Variants in PIK3CD observed in about 807,000 individuals in gnomAD.
PIK3CD encodes the protein phosphatidylinositol 4,5-bisphosphate 3-kinase catalytic subunit delta isoform.
PIK3CD carries 20 observed loss-of-function variants against 122.9 expected under a neutral mutation model. The ratio of observed to expected loss-of-function variants is 0.16; its 90% CI spans 0.11 to 0.24. The LOEUF (loss-of-function observed/expected upper bound fraction) is 0.24, where lower values mean the gene tolerates loss of function less well. PIK3CD is among the 10% of genes least tolerant of loss of function. The probability of loss-of-function intolerance (pLI) is 1.00; values close to 1 mark genes in which losing one functional copy is unlikely to be tolerated. For missense variants in PIK3CD, 787 were observed against 1,406.3 expected, an observed-to-expected ratio of 0.56 and a Z score of 7.04; for synonymous variants, 596 against 593.4, an observed-to-expected ratio of 1.00 and a Z score of -0.06.
the PIK3CD span, among the ~76,000 whole-genome samples, chr1:9,641,088 A>G: frequency 6.6e-6 from 1 of 151,924 alleles, no homozygotes; most frequent in Non-Finnish European, 1.5e-5. Flanking sequence ...ACTGTATCTT[A>G]TTTTTATTCT....
At chr1:9,694,972 AAG>A (rs113822530) in intron 2 of PIK3CD, among the ~76,000 whole-genome samples, 44 of 150,748 alleles carry the variant, frequency 2.9e-4, no homozygotes, top group African/African-American at 8.0e-4. Context: ...AAAAACAAAA[AAG>A]AGAGAGAGAG....
chr1:9,715,466 C>G lies in PIK3CD; in HGVS notation c.142-75C>G. 1 of 1,359,600 alleles carries G rather than the reference C, an allele frequency of 7.4e-7. No individual in the cohort carries two copies. Among genetic ancestry groups the G allele is most frequent in the Non-Finnish European group, 1.0e-6 (1 of 962,836 alleles). The allele number at this position is 1,359,600 out of a possible 1,614,324, so 84.2% of individuals were successfully genotyped here. A position where few individuals can be genotyped will look rare whatever the true frequency, so the allele number is the denominator to read the frequency against. On this transcript the variant is annotated intron_variant, in intron 3 of 23. Transcript: ENST00000377346. This position sits in a 1 kb window ranked among gnomAD's most constrained non-coding sequence, Gnocchi z 4.1. ...TGGACCCCCAGGCTGGAGGCCAGCTCTCCACCCTCCCTCAGCCTCCCACCT... is the reference window on the plus strand; with the variant it reads ...TGGACCCCCAGGCTGGAGGCCAGCTGTCCACCCTCCCTCAGCCTCCCACCT...
intron 3 of PIK3CD, among the ~76,000 whole-genome samples, chr1:9,713,691 A>G (rs1230155806): frequency 6.6e-6 from 1 of 152,052 alleles, no homozygotes; most frequent in African/African-American, 2.4e-5. Flanking sequence ...CCTGGGCCCA[A>G]GCGATCTTCC....
Position 9,721,586 on chromosome 1 carries a change from C to G in PIK3CD, c.1954C>G (p.Arg652Gly), listed in dbSNP as rs765392990. 6.2e-7 allele frequency: 1 copy of G among 1,612,840 alleles called. No individual in the cohort carries two copies. Among genetic ancestry groups the G allele is most frequent in the African/African-American group, 1.3e-5 (1 of 74,924 alleles). Residue 652 changes from arginine to glycine, a missense_variant and splice_region_variant, in exon 15 of 24, where the codon CGC becomes GGC. Arg to Gly is a moderately radical substitution (Grantham distance 125). Coordinates refer to ENST00000377346, the MANE Select transcript of PIK3CD (RefSeq NM_005026.5). ...KIGHFLFWHL[R>G]SEMHVPSVAL... ...CGGCCACTTCCTTTTCTGGCACCTC[C>G]GGTAGCGGGACTTGCCCCAGCCGTT...
chr1:9,717,719 C>A lies in PIK3CD; in HGVS notation c.1020+93C>A. On this transcript the variant is annotated intron_variant, in intron 8 of 23. Transcript: ENST00000377346. The surrounding 1 kb of genome is among the most constrained non-coding windows in gnomAD (Gnocchi z 5.4). ...GGGGTAGCAGAGGAAGGAGGGGGAT[C>A]ACATGAAAGCCACCTGACCACATTA... The A allele has an allele frequency of 8.9e-7, 1 of 1,129,684 alleles. No individual in the cohort carries two copies. The highest frequency in any genetic ancestry group is 1.3e-6 in the Non-Finnish European group (1 of 758,552). The allele number at this position is 1,129,684 out of a possible 1,614,324, so 70.0% of individuals were successfully genotyped here.
At chr1:9,653,593 C>G (rs1644746068) in intron 1 of PIK3CD, 4 of 380,112 alleles carry the variant, frequency 1.1e-5, no homozygotes, top group South Asian at 6.0e-5. Context: ...TGAGACTCCT[C>G]TGTAACACCC....
In PIK3CD at chr1:9,653,908, C is replaced by G. The variant is rs778070591; in HGVS notation, c.-138+2106C>G. On this transcript the variant is annotated intron_variant, in intron 1 of 23. Transcript: ENST00000377346. ...CACTGGAGTGGGCTGGAGGAGTGCT[C>G]TTAAAACCCAGTTGTGGCTGAGAGC... 77 of 1,366,990 alleles carry G rather than the reference C, an allele frequency of 5.6e-5. No individual in the cohort carries two copies. In the South Asian group the frequency reaches 8.0e-4, roughly 14 times the overall value. The allele number at this position is 1,366,990 out of a possible 1,614,324, so 84.7% of individuals were successfully genotyped here. A position where few individuals can be genotyped will look rare whatever the true frequency, so the allele number is the denominator to read the frequency against.
At chr1:9,636,928 C>T in the PIK3CD span, among the ~76,000 whole-genome samples, 3 of 150,784 alleles carry the variant, frequency 2.0e-5, no homozygotes, top group Non-Finnish European at 4.4e-5. Flanking sequence ...GACGGAGTCT[C>T]TCTCTGTCAC....
Position 9,715,567 on chromosome 1 carries a change from G to A in PIK3CD, c.168G>A (p.Glu56=). 6.2e-7 allele frequency: 1 copy of A among 1,613,668 alleles called. No individual in the cohort carries two copies. The highest frequency in any genetic ancestry group is 1.1e-5 in the South Asian group (1 of 91,090). ...TGCTGTGGCACCGCGCCCAGTATGAGCCGCTCTTCCACATGCTCAGTGGCC... is the reference window on the plus strand; with the variant it reads ...TGCTGTGGCACCGCGCCCAGTATGAACCGCTCTTCCACATGCTCAGTGGCC... The part of the protein sequence containing the change: ...KQLLWHRAQY[E]PLFHMLSGPE... The change falls in exon 4 of 24, where the codon GAG becomes GAA. Residue 56 remains glutamate (E), a synonymous_variant. Transcript: ENST00000377346. The surrounding 1 kb of genome is among the most constrained non-coding windows in gnomAD (Gnocchi z 4.1).
At chr1:9,648,102 G>A (rs953285289), upstream of PIK3CD, among the ~76,000 whole-genome samples, 32 of 152,192 alleles carry the variant, frequency 2.1e-4, no homozygotes, top group African/African-American at 7.2e-4. Flanking sequence ...ATGGCCTCCT[G>A]CAAATTTTAT....
rs192352334 is a variant in PIK3CD, at chr1:9,657,450, G to C, written c.-138+5648G>C. Among the ~76,000 whole-genome samples the C allele has an allele frequency of 5.4e-4, 82 of 152,160 alleles. No individual in the cohort carries two copies. The East Asian group carries it at 0.013, about 25-fold the overall frequency. On this transcript the variant is annotated intron_variant, in intron 1 of 23. Coordinates refer to ENST00000377346, the MANE Select transcript of PIK3CD (RefSeq NM_005026.5). ...CCGCCCTGTTCTGCCACTTTCCCCT[G>C]GGTGACTTTAGGCAAAGATGTCAGA...
intron 1 of PIK3CD, chr1:9,654,302 TC>T: frequency 7.3e-7 from 1 of 1,367,724 alleles, no homozygotes; most frequent in African/African-American, 1.5e-5. Flanking sequence ...GCAGCCTCAG[TC>T]CACGCCGCCA....
chr1:9,700,713 C>T lies in PIK3CD; in HGVS notation c.-33+9142C>T, dbSNP rs572034544. 2.6e-5 allele frequency among the ~76,000 whole-genome samples: 4 copies of T among 152,242 alleles called. No individual in the cohort carries two copies. Among genetic ancestry groups the T allele is most frequent in the African/African-American group, 7.2e-5 (3 of 41,552 alleles). On this transcript the variant is annotated intron_variant, in intron 2 of 23. Transcript: ENST00000377346. This position sits in a 1 kb window ranked among gnomAD's most constrained non-coding sequence, Gnocchi z 5.1. ...TCCCACCTGGGGAGTTTGCCCCTGG[C>T]GGTCTTTACGTGGCTATTCATTAAG... is the stretch of plus-strand genomic sequence containing the variant.
chr1:9,663,563 TA>T (rs2100862664), intron 1 of PIK3CD, among the ~76,000 whole-genome samples: 1 of 149,928 alleles, frequency 6.7e-6, no homozygotes, highest in East Asian at 2.0e-4. Flanking sequence ...TTATTTACTT[TA>T]TTTTTTTATT....
In PIK3CD at chr1:9,719,008, C is replaced by A; in HGVS notation, c.1242+93C>A. 1 of 1,216,992 alleles carries A rather than the reference C, an allele frequency of 8.2e-7. No individual in the cohort carries two copies. Among genetic ancestry groups the A allele is most frequent in the Non-Finnish European group, 1.2e-6 (1 of 848,754 alleles). 75.4% of individuals were successfully genotyped at this position (1,216,992 alleles called of 1,614,324 possible). ...CTCACCACTCTCCTCCCGGCAAGCA[C>A]GCAGCCTGGGGATGGGGGTCCTGGG... On this transcript the variant is annotated intron_variant, in intron 9 of 23. Transcript: ENST00000377346. The surrounding 1 kb of genome is among the most constrained non-coding windows in gnomAD (Gnocchi z 5.5).
chr1:9,711,492 C>G (rs1362762776), intron 3 of PIK3CD, among the ~76,000 whole-genome samples: 2 of 152,190 alleles, frequency 1.3e-5, no homozygotes, highest in South Asian at 4.1e-4. Flanking sequence ...ATGTTTCCCT[C>G]TACTCAGTTA....
chr1:9,641,908 GC>G, the PIK3CD span, among the ~76,000 whole-genome samples: 1 of 151,962 alleles, frequency 6.6e-6, no homozygotes, highest in Non-Finnish European at 1.5e-5. Context: ...CCCTTTCTTT[GC>G]CATCAACTTC....
chr1:9,663,369 G>A (rs143313660), intron 1 of PIK3CD, among the ~76,000 whole-genome samples: 4 of 152,192 alleles, frequency 2.6e-5, no homozygotes, highest in Admixed American at 2.0e-4. Context: ...GAGAGGGTGC[G>A]GAGGAACATG....
At chr1:9,642,591 C>T in the PIK3CD span, among the ~76,000 whole-genome samples, 1 of 150,116 alleles carries the variant, frequency 6.7e-6, no homozygotes, top group Non-Finnish European at 1.5e-5. Flanking sequence ...GTGGCGGGTG[C>T]CTGTAGTCCC....
Sources: gnomAD v4.1 joint callset for allele counts (sites outside exome capture counted in the v4.1 genomes callset) on GRCh38, gnomAD v4.1.1 for gene constraint, Gnocchi (gnomAD v3.1) non-coding constraint, MANE v1.5 for transcripts, NCBI Gene and HGNC (gene_info 2026-07-23, HGNC 2026-07-21) for gene names.